KCNIP4: variants seen among roughly 807,000 people sequenced by gnomAD.
The protein encoded by KCNIP4 is Kv channel-interacting protein 4.
KCNIP4 carries 12 observed loss-of-function variants against 34.0 expected under a neutral mutation model. The ratio of observed to expected loss-of-function variants is 0.35; its 90% CI spans 0.23 to 0.57. The LOEUF (loss-of-function observed/expected upper bound fraction) is 0.57. Among genes scored for constraint, KCNIP4 ranks in the 20% least tolerant of loss-of-function variants. KCNIP4 has a pLI of 0.83. For synonymous variants in KCNIP4, 124 were observed against 102.2 expected (o/e 1.21, Z -1.29); for missense variants, 238 against 311.7 (o/e 0.76, Z 1.78).
At chr4:21,458,419 G>A (rs1729150992) in intron 1 of KCNIP4, among the ~76,000 whole-genome samples, 1 of 151,778 alleles carries the variant, frequency 6.6e-6, no homozygotes, top group Non-Finnish European at 1.5e-5. Flanking sequence ...TTGGTTCCAA[G>A]TCTTTGCTAT....
At chr4:21,819,110 AT>A (rs555774638) in intron 1 of KCNIP4, among the ~76,000 whole-genome samples, 1 of 152,190 alleles carries the variant, frequency 6.6e-6, no homozygotes, top group South Asian at 2.1e-4. Flanking sequence ...TTTCCAGGAA[AT>A]TTTTTTAAAA....
intron 1 of KCNIP4, among the ~76,000 whole-genome samples, chr4:20,970,967 C>T (rs949745907): frequency 1.1e-4 from 16 of 152,290 alleles, no homozygotes; most frequent in African/African-American, 2.2e-4. Flanking sequence ...TGCTATGAAA[C>T]GGGCACTTGA....
intron 1 of KCNIP4, among the ~76,000 whole-genome samples, chr4:21,408,146 A>G (rs574915731): frequency 1.3e-5 from 2 of 152,318 alleles, no homozygotes; most frequent in South Asian, 4.1e-4. Flanking sequence ...GCAACTTTTT[A>G]TATGTATTTT....
chr4:20,739,251 GT>G (rs1750463728), intron 5 of KCNIP4, among the ~76,000 whole-genome samples: 1 of 152,242 alleles, frequency 6.6e-6, no homozygotes, highest in Non-Finnish European at 1.5e-5. Context: ...CCAGCATGGA[GT>G]TTGAGATCTG....
At chr4:21,700,591 GC>G (rs1712755334) in intron 1 of KCNIP4, among the ~76,000 whole-genome samples, 1 of 151,884 alleles carries the variant, frequency 6.6e-6, no homozygotes, top group African/African-American at 2.4e-5. Flanking sequence ...CTGTGCAGAA[GC>G]TTTTTAGTTT....
At chr4:20,747,624 C>T (rs1752649211) in intron 5 of KCNIP4, among the ~76,000 whole-genome samples, 1 of 152,102 alleles carries the variant, frequency 6.6e-6, no homozygotes, top group Non-Finnish European at 1.5e-5. Context: ...TAGTTCATTC[C>T]CTCACCTTAG....
intron 1 of KCNIP4, among the ~76,000 whole-genome samples, chr4:21,276,587 T>C (rs949178367): frequency 2.0e-5 from 3 of 152,140 alleles, no homozygotes; most frequent in Non-Finnish European, 2.9e-5. Flanking sequence ...TTTGAAGTTG[T>C]TCAACTTGAC....
rs1157902457 is a variant in KCNIP4 at position 21,389,998 on chromosome 4, CTA to C, written c.62-507291_62-507290del. ...GACTTTTTAATGATTGCCCTTCTAACTACTGTGAGATGGTATCTCATTGTGGT... is the reference window on the plus strand; with the variant it reads ...GACTTTTTAATGATTGCCCTTCTAACCTGTGAGATGGTATCTCATTGTGGT... On this transcript the variant is annotated intron_variant, in intron 1 of 8. Transcript: ENST00000382152. Among the ~76,000 whole-genome samples, 240 of 137,646 alleles carry C rather than the reference CTA, an allele frequency of 1.7e-3. 4 individuals carry two copies. The highest frequency in any genetic ancestry group is 2.1e-3 in the Non-Finnish European group (128 of 61,112). The allele number at this position is 137,646 out of a possible 152,430, so 90.3% of individuals were successfully genotyped here. A position where few individuals can be genotyped will look rare whatever the true frequency, so the allele number is the denominator to read the frequency against.
At chr4:21,546,822 G>A (rs1221230744) in intron 1 of KCNIP4, among the ~76,000 whole-genome samples, 2 of 151,974 alleles carry the variant, frequency 1.3e-5, no homozygotes, top group East Asian at 1.9e-4. Context: ...AGCTGAATGG[G>A]GCTCTGCAGA....
chr4:20,926,691 A>AGCCC (rs1729927620), intron 1 of KCNIP4, among the ~76,000 whole-genome samples: 1 of 152,178 alleles, frequency 6.6e-6, no homozygotes, highest in Non-Finnish European at 1.5e-5. Flanking sequence ...TTTAAGGCAC[A>AGCCC]CTTGTGGGGC....
intron 1 of KCNIP4, among the ~76,000 whole-genome samples, chr4:21,526,856 C>T (rs1019490807): frequency 1.3e-5 from 2 of 152,178 alleles, no homozygotes; most frequent in African/African-American, 2.4e-5. Flanking sequence ...ACTCACTCCT[C>T]CAGTAGCAGA....
intron 1 of KCNIP4, among the ~76,000 whole-genome samples, chr4:21,765,835 A>AC (rs1718379272): frequency 6.6e-6 from 1 of 151,378 alleles, no homozygotes; most frequent in Non-Finnish European, 1.5e-5. Context: ...AAAAAAAAAA[A>AC]AAAACAAACT....
chr4:21,399,326 TC>T (rs1723269818), intron 1 of KCNIP4, among the ~76,000 whole-genome samples: 1 of 152,174 alleles, frequency 6.6e-6, no homozygotes, highest in African/African-American at 2.4e-5. Context: ...TAGCTGCTCT[TC>T]CCCACTGAGA....
chr4:21,942,968 A>G (rs566965081), intron 1 of KCNIP4, among the ~76,000 whole-genome samples: 1 of 152,160 alleles, frequency 6.6e-6, no homozygotes, highest in African/African-American at 2.4e-5. Flanking sequence ...CATGTTGGCC[A>G]GGCTGGTCTC....
chr4:21,294,989 T>C (rs966483183), intron 1 of KCNIP4, among the ~76,000 whole-genome samples: 10 of 152,206 alleles, frequency 6.6e-5, no homozygotes, highest in Non-Finnish European at 4.4e-5. Context: ...ATTCTCACTA[T>C]GGCAAGTGTT....
Position 21,519,457 on chromosome 4 carries a change from CAT to C in KCNIP4, c.61+429112_61+429113del, listed in dbSNP as rs796517163. Reference sequence around the variant, plus strand: ...GTGTGTATATGTATGTGTATATACACATATGTGTGTATGTGTATGTGTATATA... The same window carrying C: ...GTGTGTATATGTATGTGTATATACACATGTGTGTATGTGTATGTGTATATA... On this transcript the variant is annotated intron_variant, in intron 1 of 8. Coordinates refer to ENST00000382152, the MANE Select transcript of KCNIP4 (RefSeq NM_025221.6). 7.5e-5 allele frequency among the ~76,000 whole-genome samples: 5 copies of C among 66,482 alleles called. 1 individual carries two copies. The highest frequency in any genetic ancestry group is 1.4e-4 in the Non-Finnish European group (4 of 27,660). The allele number at this position is 66,482 out of a possible 152,430, so 43.6% of individuals were successfully genotyped here.
chr4:21,429,866 A>T (rs183872754), intron 1 of KCNIP4, among the ~76,000 whole-genome samples: 1 of 152,172 alleles, frequency 6.6e-6, no homozygotes, highest in Non-Finnish European at 1.5e-5. Flanking sequence ...TTTTCTTTCA[A>T]TACAACTGTG....
At chr4:21,374,537 T>C (rs1720794876) in intron 1 of KCNIP4, among the ~76,000 whole-genome samples, 1 of 147,142 alleles carries the variant, frequency 6.8e-6, no homozygotes, top group Admixed American at 6.6e-5. Flanking sequence ...GGTGGGGACA[T>C]AGCTAAATCA....
intron 1 of KCNIP4, among the ~76,000 whole-genome samples, chr4:20,884,793 C>G (rs1725103539): frequency 6.6e-6 from 1 of 151,690 alleles, no homozygotes; most frequent in Non-Finnish European, 1.5e-5. Context: ...CTGCAACCTC[C>G]AGGTTCAAGC....
Sources: gnomAD v4.1 joint callset for allele counts (sites outside exome capture counted in the v4.1 genomes callset) on GRCh38, gnomAD v4.1.1 for gene constraint, MANE v1.5 for transcripts, NCBI Gene and HGNC (gene_info 2026-07-23, HGNC 2026-07-21) for gene names.